Variants in MYRIP observed in about 807,000 individuals in gnomAD.
MYRIP encodes rab effector MyRIP.
Under a neutral mutation model 98.0 loss-of-function variants are expected in MYRIP, and 49 were observed. The ratio of observed to expected loss-of-function variants is 0.50; its 90% CI spans 0.40 to 0.63. The LOEUF (loss-of-function observed/expected upper bound fraction) is 0.63, where lower values mean the gene tolerates loss of function less well. Ranked by LOEUF, MYRIP falls within the 30% of genes least tolerant of loss-of-function variation. The pLI is 0.00. For synonymous variants in MYRIP, 404 were observed against 409.5 expected, an observed-to-expected ratio of 0.99 and a Z score of 0.16; for missense variants, 1,004 against 1,058.2, an observed-to-expected ratio of 0.95 and a Z score of 0.71.
intron 1 of MYRIP, among the ~76,000 whole-genome samples, chr3:39,824,586 A>G (rs1941209652): frequency 6.6e-6 from 1 of 150,572 alleles, no homozygotes; most frequent in African/African-American, 2.5e-5. Context: ...GGTTATATTT[A>G]TTTCTAGGAA....
At chr3:39,954,912 G>A (rs1945116852) in intron 2 of MYRIP, among the ~76,000 whole-genome samples, 1 of 152,068 alleles carries the variant, frequency 6.6e-6, no homozygotes. Context: ...TCAAGTGGAA[G>A]AAAGGGTATC....
chr3:39,845,018 T>C (rs1279476761), intron 1 of MYRIP, among the ~76,000 whole-genome samples: 1 of 152,216 alleles, frequency 6.6e-6, no homozygotes, highest in African/African-American at 2.4e-5. Context: ...AGGATACTCA[T>C]ATGTGCTGTA....
intron 2 of MYRIP, among the ~76,000 whole-genome samples, chr3:39,939,401 T>A (rs930856847): frequency 6.6e-6 from 1 of 151,898 alleles, no homozygotes; most frequent in Non-Finnish European, 1.5e-5. Context: ...TGTAGCTACA[T>A]GGAAAAAAAG....
At chr3:40,092,939 T>G (rs1948756287) in intron 3 of MYRIP, among the ~76,000 whole-genome samples, 1 of 152,150 alleles carries the variant, frequency 6.6e-6, no homozygotes, top group African/African-American at 2.4e-5. Context: ...TCCAAGTCCT[T>G]TGGTACATCA....
At chr3:40,187,903 T>A (rs1951080394) in intron 9 of MYRIP, among the ~76,000 whole-genome samples, 1 of 151,794 alleles carries the variant, frequency 6.6e-6, no homozygotes, top group African/African-American at 2.4e-5. Flanking sequence ...TGTTGTAGAG[T>A]CACTAGGGCT....
chr3:40,077,578 A>T (rs1203873264), intron 3 of MYRIP, among the ~76,000 whole-genome samples: 1 of 152,178 alleles, frequency 6.6e-6, no homozygotes, highest in Non-Finnish European at 1.5e-5. Context: ...TGGTGCATTC[A>T]CAAACCCTGA....
rs1947883894 is a variant in MYRIP at position 40,056,309 on chromosome 3, T to C, written c.332+12038T>C. Among the ~76,000 whole-genome samples the C allele has an allele frequency of 3.3e-5, 5 of 152,342 alleles. No homozygotes were observed. The South Asian group carries it at 1.0e-3, about 32-fold the overall frequency. On this transcript the variant is annotated intron_variant, in intron 3 of 16. Transcript: ENST00000302541. ...CTTCCAACTTCACTATCAGTTTTCC[T>C]GATTGAGAACATGGGAGAACTTATC...
intron 1 of MYRIP, among the ~76,000 whole-genome samples, chr3:39,875,198 A>G (rs1942948963): frequency 6.6e-6 from 1 of 152,144 alleles, no homozygotes; most frequent in Non-Finnish European, 1.5e-5. Flanking sequence ...GGCCTTTATC[A>G]TTTTTTATTG....
intron 1 of MYRIP, among the ~76,000 whole-genome samples, chr3:39,862,724 G>T (rs1334658213): frequency 1.3e-5 from 2 of 152,080 alleles, no homozygotes; most frequent in East Asian, 3.9e-4. Context: ...ACTGTGTTAG[G>T]TCATCAAGGC....
rs73827309 is a variant in MYRIP, at chr3:39,982,350, T to C, written c.111-61700T>C. Among the ~76,000 whole-genome samples the C allele has an allele frequency of 2.4e-3, 360 of 152,278 alleles. 5 individuals are homozygous for C. Among genetic ancestry groups the C allele is most frequent in the African/African-American group, 8.3e-3 (343 of 41,566 alleles). Reference sequence around the variant, plus strand: ...CAGCACCATATACATGTATGTACGATGAGAAATTGGACCGCTATTTATAGG... The same window carrying C: ...CAGCACCATATACATGTATGTACGACGAGAAATTGGACCGCTATTTATAGG... On this transcript the variant is annotated intron_variant, in intron 2 of 16. Transcript: ENST00000302541.
chr3:39,874,601 T>C lies in MYRIP; in HGVS notation c.-30-26186T>C, dbSNP rs528498309. Among the ~76,000 whole-genome samples, 4 of 152,334 alleles carry C rather than the reference T, an allele frequency of 2.6e-5. No homozygotes were observed. In the East Asian group the frequency reaches 7.7e-4, roughly 29 times the overall value. ...TTTTCTGCATCTTTTGAGATAATCA[T>C]GCGGTTTTTGTCTTTGGTTCTGTTT... On this transcript the variant is annotated intron_variant, in intron 1 of 16. Transcript: ENST00000302541.
intron 2 of MYRIP, among the ~76,000 whole-genome samples, chr3:40,004,333 A>T (rs1309594138): frequency 6.6e-6 from 1 of 152,194 alleles, no homozygotes; most frequent in Non-Finnish European, 1.5e-5. Flanking sequence ...CTCTGCTGTG[A>T]TGCTGAGACA....
intron 2 of MYRIP, among the ~76,000 whole-genome samples, chr3:40,036,555 A>T (rs1482094423): frequency 6.6e-6 from 1 of 152,070 alleles, no homozygotes; most frequent in Non-Finnish European, 1.5e-5. Context: ...AAATAGCAAG[A>T]GTTCTGCTAT....
At chr3:40,119,784 G>T (rs1466556080) in intron 3 of MYRIP, among the ~76,000 whole-genome samples, 1 of 152,054 alleles carries the variant, frequency 6.6e-6, no homozygotes, top group African/African-American at 2.4e-5. Context: ...GGGGAGCAGG[G>T]AGGGATAGCA....
chr3:39,836,068 C>G (rs1035399431), intron 1 of MYRIP, among the ~76,000 whole-genome samples: 3 of 152,084 alleles, frequency 2.0e-5, no homozygotes, highest in Non-Finnish European at 2.9e-5. Context: ...GTGGATGTAT[C>G]TTTATAGTGT....
At chr3:39,919,727 T>TGAGAGAGAGAGAGA (rs71091779) in intron 2 of MYRIP, among the ~76,000 whole-genome samples, 2 of 123,382 alleles carry the variant, frequency 1.6e-5, no homozygotes, top group South Asian at 2.6e-4. Context: ...TGTGTGTGTG[T>TGAGAGAGAGAGAGA]GAGAGAGAGA....
chr3:39,946,261 G>A (rs371356754), intron 2 of MYRIP, among the ~76,000 whole-genome samples: 10 of 152,236 alleles, frequency 6.6e-5, no homozygotes, highest in African/African-American at 2.4e-4. Context: ...TACATAAAGT[G>A]ACATAGAAAA....
chr3:40,034,989 C>T (rs193299589), intron 2 of MYRIP, among the ~76,000 whole-genome samples: 273 of 147,008 alleles, frequency 1.9e-3, no homozygotes, highest in African/African-American at 6.1e-3. Flanking sequence ...AACCAAACAC[C>T]GCATGTTCTC....
intron 3 of MYRIP, among the ~76,000 whole-genome samples, chr3:40,133,630 AG>A (rs1352972175): frequency 6.6e-6 from 1 of 152,160 alleles, no homozygotes; most frequent in African/African-American, 2.4e-5. Flanking sequence ...CCTAGTACTC[AG>A]GAGGCTGAGG....
Sources: gnomAD v4.1 joint callset for allele counts (sites outside exome capture counted in the v4.1 genomes callset) on GRCh38, gnomAD v4.1.1 for gene constraint, MANE v1.5 for transcripts, NCBI Gene and HGNC (gene_info 2026-07-23, HGNC 2026-07-21) for gene names.